Variants in ARHGEF4 observed in about 807,000 individuals in gnomAD.
The protein encoded by ARHGEF4 is APC-stimulated guanine nucleotide exchange factor 1.
Under a neutral mutation model 162.0 loss-of-function variants are expected in ARHGEF4, and 119 were observed. The observed-to-expected ratio is 0.73, with a 90% CI of 0.63 to 0.86. The LOEUF (loss-of-function observed/expected upper bound fraction) is 0.86, where lower values mean the gene tolerates loss of function less well. ARHGEF4 is among the 40% of genes least tolerant of loss of function. The probability of loss-of-function intolerance (pLI) is 0.00; values close to 1 mark genes in which losing one functional copy is unlikely to be tolerated. For missense variants in ARHGEF4, 2,488 were observed against 2,456.0 expected (o/e 1.01, Z -0.28); for synonymous variants, 1,014 against 979.9 (o/e 1.03, Z -0.65).
chr2:130,898,082 G>A (rs994694683), intron 1 of ARHGEF4, among the ~76,000 whole-genome samples: 1 of 152,164 alleles, frequency 6.6e-6, no homozygotes, highest in Admixed American at 6.5e-5. Context: ...TTGTAAATAG[G>A]GAAATGCATT....
chr2:130,977,512 ATGTT>A (rs1685825436), intron 4 of ARHGEF4, among the ~76,000 whole-genome samples: 1 of 150,674 alleles, frequency 6.6e-6, no homozygotes, highest in Non-Finnish European at 1.5e-5. Flanking sequence ...ATGTGTATGT[ATGTT>A]GTGCATGTGT....
chr2:130,985,480 T>A (rs566362932), intron 4 of ARHGEF4, among the ~76,000 whole-genome samples: 1 of 151,848 alleles, frequency 6.6e-6, no homozygotes. Flanking sequence ...TCTCCCTGAC[T>A]GACTAAAACT....
chr2:130,855,033 C>G (rs1005565093), intron 1 of ARHGEF4, among the ~76,000 whole-genome samples: 1 of 148,104 alleles, frequency 6.8e-6, no homozygotes, highest in Non-Finnish European at 1.5e-5. Flanking sequence ...GCGACCACGC[C>G]CGGCAAATTT....
intron 4 of ARHGEF4, among the ~76,000 whole-genome samples, chr2:131,013,746 G>A (rs1170275691): frequency 2.6e-5 from 4 of 152,208 alleles, no homozygotes; most frequent in South Asian, 2.1e-4. Flanking sequence ...GATTACAGGC[G>A]CATGCCGCCA....
intron 1 of ARHGEF4, among the ~76,000 whole-genome samples, chr2:130,851,275 A>G (rs1681390592): frequency 1.3e-5 from 2 of 152,184 alleles, no homozygotes; most frequent in African/African-American, 4.8e-5. Context: ...ATCTGGATGC[A>G]TCTGTTGGTG....
chr2:130,931,020 C>T lies in ARHGEF4; in HGVS notation c.3621C>T (p.His1207=), dbSNP rs776148463. 19 of 1,614,046 alleles carry T rather than the reference C, an allele frequency of 1.2e-5. No homozygotes were observed. Among genetic ancestry groups the T allele is most frequent in the Non-Finnish European group, 1.6e-5 (19 of 1,179,898 alleles). The part of the protein sequence containing the change: ...PSCSHSQKAF[H]MEPAQKPCFT... ...GCTCTCACAGTCAGAAGGCGTTCCA[C>T]ATGGAGCCTGCCCAGAAGCCCTGCT... The change falls in exon 3 of 14, where the codon CAC becomes CAT. Residue 1207 remains histidine, a synonymous_variant. Transcript: ENST00000409359.
At chr2:131,002,315 T>C (rs1189706047) in intron 4 of ARHGEF4, among the ~76,000 whole-genome samples, 10 of 152,026 alleles carry the variant, frequency 6.6e-5, no homozygotes, top group African/African-American at 2.4e-4. Flanking sequence ...CGGTGGCTCA[T>C]GCCTGTAATC....
intron 1 of ARHGEF4, among the ~76,000 whole-genome samples, chr2:130,840,929 T>C (rs1680557898): frequency 6.6e-6 from 1 of 152,152 alleles, no homozygotes; most frequent in Non-Finnish European, 1.5e-5. Flanking sequence ...GAGTTTTGGG[T>C]CTATTGAGAG....
At chr2:131,028,205 GCC>G in intron 5 of ARHGEF4, 121 bp downstream of exon 5, 1 of 1,368,204 alleles carries the variant, frequency 7.3e-7, no homozygotes, top group Non-Finnish European at 9.9e-7. Flanking sequence ...GGTGGTGCTG[GCC>G]ATACACAGCG....
chr2:130,929,330 T>C (rs573622435), intron 2 of ARHGEF4, among the ~76,000 whole-genome samples: 10 of 152,308 alleles, frequency 6.6e-5, no homozygotes, highest in African/African-American at 2.4e-4. Flanking sequence ...CCAAAACCAT[T>C]ATGTAATAAT....
At chr2:130,887,341 A>AT (rs1264410867) in intron 1 of ARHGEF4, among the ~76,000 whole-genome samples, 1 of 151,954 alleles carries the variant, frequency 6.6e-6, no homozygotes. Context: ...CAAAAAAAAA[A>AT]CAAAAAGGCT....
At chr2:130,850,543 T>TC (rs969454666) in intron 1 of ARHGEF4, among the ~76,000 whole-genome samples, 14 of 151,716 alleles carry the variant, frequency 9.2e-5, no homozygotes, top group African/African-American at 3.1e-4. Context: ...GCCCAACACC[T>TC]CCCCCCTGCA....
At chr2:130,940,831 C>CA (rs1196586339) in intron 3 of ARHGEF4, among the ~76,000 whole-genome samples, 220 of 43,058 alleles carry the variant, frequency 5.1e-3, no homozygotes, top group African/African-American at 6.1e-3. Context: ...GACTCCGTCT[C>CA]AAAAAAAAAA....
At position 130,917,181 on chromosome 2, in the gene ARHGEF4, G is replaced by T. The variant is rs1320411043; in HGVS notation, c.3235G>T (p.Ala1079Ser). ...TLPSSSACCL[A>S]YENPGTPCRP... ...GCCTTCCAGCTCTGCCTGCTGCCTG[G>T]CATATGAAAACCCCGGGACGCCCTG... The change falls in exon 2 of 14, where the codon GCA (alanine) becomes TCA (serine). Residue 1079 changes from alanine (A) to serine (S), a missense_variant. Ala to Ser is a moderately conservative substitution (Grantham distance 99). Transcript: ENST00000409359. 1 of 1,550,470 alleles carries T rather than the reference G, an allele frequency of 6.4e-7. No individual in the cohort carries two copies. Among genetic ancestry groups the T allele is most frequent in the East Asian group, 2.4e-5 (1 of 40,892 alleles).
rs2105060007 is a variant in ARHGEF4, at chr2:130,917,183, A to G, written c.3237A>G (p.Ala1079=). 1 of 1,550,374 alleles carries G rather than the reference A, an allele frequency of 6.5e-7. No individual in the cohort carries two copies. The highest frequency in any genetic ancestry group is 8.7e-7 in the Non-Finnish European group (1 of 1,146,954). Residue 1079 remains alanine (A), a synonymous_variant, in exon 2 of 14, where the codon GCA becomes GCG. Coordinates refer to ENST00000409359, the MANE Select transcript of ARHGEF4 (RefSeq NM_001367493.1). ...TLPSSSACCL[A]YENPGTPCRP... is the part of the protein sequence containing the mutation. ...CTTCCAGCTCTGCCTGCTGCCTGGC[A>G]TATGAAAACCCCGGGACGCCCTGCA... is the stretch of plus-strand genomic sequence containing the variant.
chr2:130,965,267 G>C (rs1429866617), intron 4 of ARHGEF4, among the ~76,000 whole-genome samples: 3 of 152,202 alleles, frequency 2.0e-5, no homozygotes, highest in African/African-American at 7.2e-5. Context: ...GCTCTGGCTG[G>C]GTTGAGAGCA....
At chr2:130,846,608 G>A (rs1347111093) in intron 1 of ARHGEF4, among the ~76,000 whole-genome samples, 2 of 152,210 alleles carry the variant, frequency 1.3e-5, no homozygotes, top group Non-Finnish European at 2.9e-5. Context: ...GGCCCAGTGA[G>A]AGGGGCTTGA....
In ARHGEF4 at chr2:130,916,649, G is replaced by C; in HGVS notation, c.2703G>C (p.Thr901=). The part of the protein sequence containing the change: ...ESCNAKRLKT[T]EKKLRARLAL... The stretch of plus-strand genomic sequence containing the variant: ...GCAACGCAAAGAGACTCAAAACAAC[G>C]GAGAAAAAACTCAGGGCAAGGTTGG... Residue 901 remains threonine, a synonymous_variant, in exon 2 of 14, where the codon ACG becomes ACC. Transcript: ENST00000409359. 1 of 1,550,582 alleles carries C rather than the reference G, an allele frequency of 6.4e-7. No individual in the cohort carries two copies. The highest frequency in any genetic ancestry group is 8.7e-7 in the Non-Finnish European group (1 of 1,146,988).
chr2:130,897,833 C>G (rs1183812372), intron 1 of ARHGEF4, among the ~76,000 whole-genome samples: 1 of 150,834 alleles, frequency 6.6e-6, no homozygotes, highest in Non-Finnish European at 1.5e-5. Flanking sequence ...GCTACTGATT[C>G]AGCACTGGGG....
Sources: allele counts gnomAD v4.1 joint callset (sites outside exome capture counted in the v4.1 genomes callset), GRCh38; gene constraint gnomAD v4.1.1; transcripts MANE v1.5; gene names NCBI Gene and HGNC (gene_info 2026-07-23, HGNC 2026-07-21).